Variants in ZNF200 observed in about 807,000 individuals in gnomAD.
The protein encoded by ZNF200 is zinc finger protein 200.
ZNF200 carries 35 observed loss-of-function variants against 33.6 expected under a neutral mutation model. The observed-to-expected ratio is 1.04, with a 90% confidence interval of 0.80 to 1.38. ZNF200 has a LOEUF of 1.38. Ranked by LOEUF, ZNF200 falls within the 40% of genes most tolerant of loss-of-function variation. ZNF200 has a pLI of 0.00. For synonymous variants in ZNF200, 209 were observed against 167.7 expected (o/e 1.25, Z -1.90); for missense variants, 592 against 470.6 (o/e 1.26, Z -2.39).
intron 4 of ZNF200, 198 bp from the exon 5 acceptor site, chr16:3,224,811 GCA>G: frequency 1.6e-6 from 1 of 610,480 alleles, no homozygotes; most frequent in South Asian, 2.4e-5. Context: ...CACAATGCAA[GCA>G]CACTTTAAAG....
rs1425338589 is a variant in ZNF200 at position 3,223,744 on chromosome 16, T to G, written c.*148A>C. 1.6e-6 allele frequency: 2 copies of G among 1,247,128 alleles called. No homozygotes were observed. The highest frequency in any genetic ancestry group is 3.0e-5 in the African/African-American group (2 of 66,256). The allele number at this position is 1,247,128 out of a possible 1,614,324, so 77.3% of individuals were successfully genotyped here. ...CTGTGAATTTTCTAGCAATTTGAGG[T>G]TTTAGCTAAGATGGGCATTTATCCA... On this transcript the variant is annotated 3_prime_UTR_variant, in exon 5 of 5. Coordinates refer to ENST00000414144, the MANE Select transcript of ZNF200 (RefSeq NM_198088.3).
chr16:3,233,373 C>A, intron 2 of ZNF200, 133 bp downstream of exon 2: 3 of 1,292,130 alleles, frequency 2.3e-6, no homozygotes, highest in Non-Finnish European at 3.1e-6. Flanking sequence ...AGAACTTCCT[C>A]TTTCCAACAC....
In ZNF200 at chr16:3,223,895, C is replaced by A. The variant is rs1288068983; in HGVS notation, c.1185G>T (p.Lys395Asn). 2 of 1,608,242 alleles carry A rather than the reference C, an allele frequency of 1.2e-6. No individual in the cohort carries two copies. The highest frequency in any genetic ancestry group is 2.7e-5 in the African/African-American group (2 of 74,706). ...THSACKTRKQ[K>N] ...GACCCAGAAAGGGTTCCCAGTATTA[C>A]TTCTGCTTTCGGGTCTTACAGGCTG... The change falls in exon 5 of 5, where the codon AAG (lysine) becomes AAT (asparagine). Residue 395 changes from lysine to asparagine, a missense_variant. Transcript: ENST00000414144.
At chr16:3,225,754 G>C (rs1255416618) in intron 4 of ZNF200, 2 of 152,086 alleles carry the variant, frequency 1.3e-5, no homozygotes, top group Non-Finnish European at 2.9e-5. Flanking sequence ...GAACCATGCT[G>C]TGGATATACT....
intron 4 of ZNF200, among the ~76,000 whole-genome samples, chr16:3,231,408 TTC>T (rs1328778010): frequency 1.3e-5 from 2 of 152,198 alleles, no homozygotes; most frequent in Admixed American, 1.3e-4. Context: ...CATAATGGAT[TTC>T]TGTCACCCCA....
At position 3,233,802 on chromosome 16, in the gene ZNF200, A is replaced by G; in HGVS notation, c.-47T>C. Reference sequence around the variant, plus strand: ...CTCGTTTCGCGGGGCCTCCAGAGCCACCTCTTACTAGAGGAAATCTGCCAG... The same window carrying G: ...CTCGTTTCGCGGGGCCTCCAGAGCCGCCTCTTACTAGAGGAAATCTGCCAG... On this transcript the variant is annotated 5_prime_UTR_variant, in exon 2 of 5. Coordinates refer to ENST00000414144, the MANE Select transcript of ZNF200 (RefSeq NM_198088.3). The G allele has an allele frequency of 6.5e-7, 1 of 1,547,038 alleles. No homozygotes were observed. Among genetic ancestry groups the G allele is most frequent in the Non-Finnish European group, 8.7e-7 (1 of 1,147,248 alleles).
rs780493948 is a variant in ZNF200, at chr16:3,232,881, G to T, written c.291C>A (p.Val97=). ...GAGACACTGTCTCTTGTTCCTTTTG[G>T]ACTCCTTTGGGCAGAAGCTTCACCA... The part of the protein sequence containing the change: ...RPLVKLLPKG[V]QKEQETVSLY... Residue 97 remains valine, a synonymous_variant, in exon 3 of 5, where the codon GTC becomes GTA. Coordinates refer to ENST00000414144, the MANE Select transcript of ZNF200 (RefSeq NM_198088.3). The T allele has an allele frequency of 6.2e-7, 1 of 1,613,810 alleles. No homozygotes were observed. The highest frequency in any genetic ancestry group is 1.1e-5 in the South Asian group (1 of 91,074).
chr16:3,233,898 A>C, intron 1 of ZNF200, 62 bp from the exon 2 acceptor site: 14 of 1,321,802 alleles, frequency 1.1e-5, no homozygotes, highest in East Asian at 2.6e-5. Context: ...GCACTCCAAT[A>C]TGTGGCATGG....
intron 4 of ZNF200, among the ~76,000 whole-genome samples, chr16:3,231,067 A>G (rs1184228777): frequency 6.6e-6 from 1 of 152,200 alleles, no homozygotes; most frequent in African/African-American, 2.4e-5. Flanking sequence ...ACATTTATGA[A>G]ATGCTGGTAA....
At position 3,230,267 on chromosome 16, in the gene ZNF200, A is replaced by G. The variant is rs1436402897; in HGVS notation, c.466+2154T>C. Reference sequence around the variant, plus strand: ...AACCTCTTTTCTTTATAAATTACCCAGCCTCAGGTATTCTTTTATAGCAGC... The same window carrying G: ...AACCTCTTTTCTTTATAAATTACCCGGCCTCAGGTATTCTTTTATAGCAGC... On this transcript the variant is annotated intron_variant, in intron 4 of 4. Transcript: ENST00000414144. Among the ~76,000 whole-genome samples the G allele has an allele frequency of 6.6e-5, 10 of 152,240 alleles. No homozygotes were observed. The East Asian group carries it at 1.9e-3, about 29-fold the overall frequency.
At chr16:3,227,359 T>C (rs959087497) in intron 4 of ZNF200, 6 of 152,270 alleles carry the variant, frequency 3.9e-5, no homozygotes, top group Admixed American at 1.3e-4. Flanking sequence ...ATTTTCTAAA[T>C]GTGCTTTTTA....
At chr16:3,228,007 T>C (rs1454163981) in intron 4 of ZNF200, among the ~76,000 whole-genome samples, 1 of 151,164 alleles carries the variant, frequency 6.6e-6, no homozygotes, top group Admixed American at 6.7e-5. Context: ...AATGACCTTT[T>C]TATGATATTG....
chr16:3,230,497 C>G (rs147242629), intron 4 of ZNF200, among the ~76,000 whole-genome samples: 1 of 152,156 alleles, frequency 6.6e-6, no homozygotes, highest in Non-Finnish European at 1.5e-5. Context: ...ATTCTCCTAT[C>G]ACAGCACACA....
At chr16:3,226,485 C>T (rs1958475144) in intron 4 of ZNF200, 1 of 152,162 alleles carries the variant, frequency 6.6e-6, no homozygotes, top group African/African-American at 2.4e-5. Flanking sequence ...TTTACCTAAT[C>T]TTGTTAGCAT....
chr16:3,231,119 G>C (rs778949286), intron 4 of ZNF200, among the ~76,000 whole-genome samples: 5 of 152,182 alleles, frequency 3.3e-5, no homozygotes, highest in East Asian at 1.9e-4. Context: ...ACGGGTGGAG[G>C]AAGTGGGGAA....
At chr16:3,234,765 T>C (rs1480319147) in intron 1 of ZNF200, 1 of 152,328 alleles carries the variant, frequency 6.6e-6, no homozygotes, top group East Asian at 1.9e-4. Flanking sequence ...GTCAAAGCTC[T>C]GCTGAGAGCG....
At chr16:3,230,669 G>A (rs1034356939) in intron 4 of ZNF200, among the ~76,000 whole-genome samples, 2 of 152,140 alleles carry the variant, frequency 1.3e-5, no homozygotes. Context: ...ATCCGTTATA[G>A]TTTTTCCTTT....
rs183555739 is a variant in ZNF200 at position 3,232,582 on chromosome 16, C to G, written c.340-35G>C. 3.1e-6 allele frequency: 5 copies of G among 1,608,386 alleles called. No individual in the cohort carries two copies. In the South Asian group the frequency reaches 4.4e-5, roughly 14 times the overall value. On this transcript the variant is annotated intron_variant, in intron 3 of 4. Transcript: ENST00000414144. ...CAAGAGGCCCCTTTCATCTTAGTAA[C>G]TGAGGTTCACTGACAGCCCTACTGG...
chr16:3,232,281 T>C (rs1346457617), intron 4 of ZNF200, 140 bp downstream of exon 4: 2 of 1,056,404 alleles, frequency 1.9e-6, no homozygotes, highest in Non-Finnish European at 2.7e-6. Context: ...TCTGCTACAT[T>C]GAATAAAACA....
Sources: allele counts gnomAD v4.1 joint callset (sites outside exome capture counted in the v4.1 genomes callset), GRCh38; gene constraint gnomAD v4.1.1; transcripts MANE v1.5; gene names NCBI Gene and HGNC (gene_info 2026-07-23, HGNC 2026-07-21).